Variants in F13A1 observed in about 807,000 individuals in gnomAD.
F13A1 encodes FSF, A subunit.
A neutral mutation model predicts 80.1 loss-of-function variants in F13A1; 47 were observed. The ratio of observed to expected loss-of-function variants is 0.59; its 90% confidence interval spans 0.46 to 0.75. The LOEUF (loss-of-function observed/expected upper bound fraction) is 0.75, where lower values mean the gene tolerates loss of function less well. F13A1 is among the 30% of genes least tolerant of loss of function. The pLI, the probability that F13A1 is intolerant of heterozygous loss-of-function variation, is 0.00. For synonymous variants in F13A1, 349 were observed against 344.9 expected, an observed-to-expected ratio of 1.01 and a Z score of -0.13; for missense variants, 817 against 930.4, an observed-to-expected ratio of 0.88 and a Z score of 1.59.
chr6:6,165,323 G>A (rs1241615032), intron 13 of F13A1, among the ~76,000 whole-genome samples: 1 of 152,228 alleles, frequency 6.6e-6, no homozygotes, highest in East Asian at 1.9e-4. Flanking sequence ...GAATTAAACT[G>A]CTCTTTAAGT....
intron 3 of F13A1, among the ~76,000 whole-genome samples, chr6:6,295,711 T>C (rs1259450455): frequency 7.0e-6 from 1 of 143,414 alleles, no homozygotes; most frequent in Non-Finnish European, 1.5e-5. Context: ...TTCACTCTGA[T>C]GGTAGTTTCT....
chr6:6,229,716 T>C (rs1194784621), intron 6 of F13A1, among the ~76,000 whole-genome samples: 1 of 152,182 alleles, frequency 6.6e-6, no homozygotes, highest in African/African-American at 2.4e-5. Flanking sequence ...ACAGACTCTC[T>C]GAAGGAAGCA....
At chr6:6,294,264 C>T (rs1352588502) in intron 3 of F13A1, among the ~76,000 whole-genome samples, 2 of 152,080 alleles carry the variant, frequency 1.3e-5, no homozygotes, top group African/African-American at 4.8e-5. Context: ...ATCTGGTGGG[C>T]ACAAGCTAAT....
chr6:6,273,873 G>A (rs549835325), intron 3 of F13A1, among the ~76,000 whole-genome samples: 16 of 152,160 alleles, frequency 1.1e-4, no homozygotes, highest in Non-Finnish European at 1.9e-4. Flanking sequence ...GAAATACCAG[G>A]TTACCAGCTA....
At chr6:6,187,527 T>C (rs1761100656) in intron 10 of F13A1, among the ~76,000 whole-genome samples, 1 of 104,346 alleles carries the variant, frequency 9.6e-6, no homozygotes, top group African/African-American at 4.2e-5. Flanking sequence ...ATTACATTTA[T>C]TGATTTGCGT....
In F13A1 at chr6:6,197,289, G is replaced by A. The variant is rs1761308993; in HGVS notation, c.1150C>T (p.Pro384Ser). 2 of 1,614,206 alleles carry A rather than the reference G, an allele frequency of 1.2e-6. No individual in the cohort carries two copies. Among genetic ancestry groups the A allele is most frequent in the East Asian group, 4.5e-5 (2 of 44,886 alleles). ...CCTCCAAATCCAACAGGAAGGTCAG[G>A]CCTTGTCATCCATGCTTCATTCCAG... ...HCWNEAWMTR[P>S]DLPVGFGGWQ... Residue 384 changes from proline to serine, a missense_variant, in exon 9 of 15, where the codon CCT becomes TCT. By Grantham distance (74) the Pro-to-Ser change is moderately conservative. Coordinates refer to ENST00000264870, the MANE Select transcript of F13A1 (RefSeq NM_000129.4).
At chr6:6,283,971 C>T (rs563666039) in intron 3 of F13A1, among the ~76,000 whole-genome samples, 1 of 152,282 alleles carries the variant, frequency 6.6e-6, no homozygotes, top group African/African-American at 2.4e-5. Flanking sequence ...GAAATCAACT[C>T]GCAAGGGGTT....
Position 6,243,923 on chromosome 6 carries a change from T to C in F13A1, c.798+4389A>G, listed in dbSNP as rs1282907387. On this transcript the variant is annotated intron_variant, in intron 6 of 14. Transcript: ENST00000264870. The surrounding 1 kb of genome is among the most constrained non-coding windows in gnomAD (Gnocchi z 4.2). ...CCTTTGCAGAAGCAGCTGCATCTCCTTGGGGGAAATTCTCTGCCCATAGTT... is the reference window on the plus strand; with the variant it reads ...CCTTTGCAGAAGCAGCTGCATCTCCCTGGGGGAAATTCTCTGCCCATAGTT... 6.6e-6 allele frequency among the ~76,000 whole-genome samples: 1 copy of C among 152,220 alleles called. No homozygotes were observed. Among genetic ancestry groups the C allele is most frequent in the East Asian group, 1.9e-4 (1 of 5,198 alleles).
intron 6 of F13A1, among the ~76,000 whole-genome samples, chr6:6,227,013 T>C (rs1290363591): frequency 1.4e-5 from 2 of 147,936 alleles, no homozygotes; most frequent in Admixed American, 1.3e-4. Context: ...AATAAATGTG[T>C]AGTGTCATGA....
chr6:6,297,432 A>G (rs925033372), intron 3 of F13A1, among the ~76,000 whole-genome samples: 23 of 150,898 alleles, frequency 1.5e-4, no homozygotes, highest in Admixed American at 1.4e-3. Flanking sequence ...AGATCCTGTT[A>G]TTGGTCTATT....
chr6:6,210,324 G>GAT (rs34960466), intron 8 of F13A1, among the ~76,000 whole-genome samples: 3,037 of 82,788 alleles, frequency 0.037, 227 homozygotes, highest in Non-Finnish European at 0.041. Context: ...TGTAGCATGT[G>GAT]ATATATATAT....
intron 4 of F13A1, among the ~76,000 whole-genome samples, chr6:6,255,765 CA>C (rs1288513780): frequency 2.6e-5 from 4 of 152,090 alleles, no homozygotes; most frequent in African/African-American, 9.7e-5. Context: ...AACAGGCAGA[CA>C]TTATCATGAA....
chr6:6,166,475 T>A (rs913763234), intron 13 of F13A1, among the ~76,000 whole-genome samples: 1 of 152,202 alleles, frequency 6.6e-6, no homozygotes, highest in Admixed American at 6.5e-5. Flanking sequence ...TAGAGCAATG[T>A]AGTTTAGCAG....
chr6:6,211,732 A>C (rs1270918011), intron 8 of F13A1, among the ~76,000 whole-genome samples: 2 of 152,354 alleles, frequency 1.3e-5, no homozygotes, highest in East Asian at 1.9e-4. Context: ...AGTGACACAG[A>C]AGACGGGTGA....
intron 11 of F13A1, among the ~76,000 whole-genome samples, chr6:6,175,542 C>G (rs1760868472): frequency 6.6e-6 from 1 of 152,328 alleles, no homozygotes; most frequent in African/African-American, 2.4e-5. Flanking sequence ...GGCGACCCTG[C>G]CCAAGGTGCT....
At chr6:6,156,584 A>T (rs557176104) in intron 13 of F13A1, among the ~76,000 whole-genome samples, 1 of 152,080 alleles carries the variant, frequency 6.6e-6, no homozygotes, top group Non-Finnish European at 1.5e-5. Context: ...TTGGCCTGTG[A>T]TCATTTTTGA....
chr6:6,244,245 G>T (rs570342124), intron 6 of F13A1, among the ~76,000 whole-genome samples: 1 of 152,288 alleles, frequency 6.6e-6, no homozygotes, highest in East Asian at 1.9e-4. Flanking sequence ...CAATTTTCCT[G>T]GTGGGAACTG....
At chr6:6,191,119 C>T (rs939312895) in intron 10 of F13A1, among the ~76,000 whole-genome samples, 2 of 152,266 alleles carry the variant, frequency 1.3e-5, no homozygotes, top group African/African-American at 2.4e-5. Context: ...CCTGTGCCCA[C>T]TGTCTGGCAC....
intron 6 of F13A1, among the ~76,000 whole-genome samples, chr6:6,229,865 C>T (rs1432836062): frequency 2.6e-5 from 4 of 152,164 alleles, no homozygotes; most frequent in African/African-American, 7.2e-5. Context: ...GAGAAGTTTC[C>T]GACTTCACCT....
Sources: allele counts gnomAD v4.1 joint callset (sites outside exome capture counted in the v4.1 genomes callset), GRCh38; gene constraint gnomAD v4.1.1; non-coding constraint Gnocchi (gnomAD v3.1); transcripts MANE v1.5; gene names NCBI Gene and HGNC (gene_info 2026-07-23, HGNC 2026-07-21).